COL1A1: variants seen among roughly 807,000 people sequenced by gnomAD.
COL1A1 encodes collagen alpha-1(I) chain.
COL1A1 carries 21 observed loss-of-function variants against 195.7 expected under a neutral mutation model. The observed-to-expected ratio is 0.11, with a 90% CI of 0.08 to 0.15. COL1A1 has a LOEUF of 0.15. Among genes scored for constraint, COL1A1 ranks in the 10% least tolerant of loss-of-function variants. The pLI is 1.00. For synonymous variants in COL1A1, 749 were observed against 747.3 expected (o/e 1.00, Z -0.04); for missense variants, 1,365 against 2,051.0 (o/e 0.67, Z 6.46).
rs1391461426 is a variant in COL1A1 at position 50,195,704 on chromosome 17, GA to G, written c.1057-40del. ...AAGGACATATCAGAAGCCACCCTGG[GA>G]AACCCAACCTTGCCTCTCGGGATGG... On this transcript the variant is annotated intron_variant, in intron 16 of 50. Transcript: ENST00000225964. The surrounding 1 kb of genome is among the most constrained non-coding windows in gnomAD (Gnocchi z 4.3). The G allele has an allele frequency of 6.2e-7, 1 of 1,600,188 alleles. No homozygotes were observed. Among genetic ancestry groups the G allele is most frequent in the Non-Finnish European group, 8.5e-7 (1 of 1,169,942 alleles).
rs780217716 is a variant in COL1A1, at chr17:50,193,030, A to T, written c.1785T>A (p.Ala595=). The T allele has an allele frequency of 3.2e-5, 51 of 1,613,950 alleles. No homozygotes were observed. The highest frequency in any genetic ancestry group is 2.2e-4 in the Admixed American group (13 of 60,004). ...GGGGTCCGGGAACACCTCGCTCTCC[A>T]GCCTTGCCGGGCTCTCCCTGTGGAG... The part of the protein sequence containing the change: ...PKGAAGEPGK[A]GERGVPGPPG... The change falls in exon 26 of 51, where the codon GCT becomes GCA. Residue 595 remains alanine (A), a synonymous_variant. Transcript: ENST00000225964.
chr17:50,190,946 A>C lies in COL1A1; in HGVS notation c.2236-22T>G. The C allele has an allele frequency of 6.2e-7, 1 of 1,609,014 alleles. No individual in the cohort carries two copies. The stretch of plus-strand genomic sequence containing the variant: ...CACCCTAAAGACATGGATAAGCTTG[A>C]GATTTCCAGTGTGGGGCAAGGAGGT... On this transcript the variant is annotated intron_variant, in intron 32 of 50. Transcript: ENST00000225964. This position sits in a 1 kb window ranked among gnomAD's most constrained non-coding sequence, Gnocchi z 4.7.
rs372631553 is a variant in COL1A1, at chr17:50,189,045, G to T, written c.2938-35C>A. On this transcript the variant is annotated intron_variant, in intron 40 of 50. Transcript: ENST00000225964. The surrounding 1 kb of genome is among the most constrained non-coding windows in gnomAD (Gnocchi z 5.5). ...AAGAAAGAGTCAGGCCAGAGATAGG[G>T]TCTGGGAGGACCCTTGAGTCCGCTG... 3.0e-5 allele frequency: 48 copies of T among 1,588,706 alleles called. No homozygotes were observed. Among genetic ancestry groups the T allele is most frequent in the Non-Finnish European group, 4.1e-5 (48 of 1,157,222 alleles).
At position 50,186,131 on chromosome 17, in the gene COL1A1, G is replaced by C; in HGVS notation, c.4006-111C>G. The C allele has an allele frequency of 6.5e-7, 1 of 1,549,938 alleles. No individual in the cohort carries two copies. The highest frequency in any genetic ancestry group is 8.7e-7 in the Non-Finnish European group (1 of 1,144,060). The stretch of plus-strand genomic sequence containing the variant: ...GAGCTGCCCAATGCACCGTTATATC[G>C]AGAGGAGGCACCACCTGCCCATCGG... On this transcript the variant is annotated intron_variant, in intron 49 of 50. Coordinates refer to ENST00000225964, the MANE Select transcript of COL1A1 (RefSeq NM_000088.4). This position sits in a 1 kb window ranked among gnomAD's most constrained non-coding sequence, Gnocchi z 5.3.
chr17:50,199,506 G>A, intron 3 of COL1A1, 50 bp downstream of exon 3: 1 of 1,614,192 alleles, frequency 6.2e-7, no homozygotes, highest in Non-Finnish European at 8.5e-7. Flanking sequence ...AGGGAGGACT[G>A]TGAGGAGTCA....
chr17:50,191,313 G>T, intron 32 of COL1A1, 70 bp downstream of exon 32: 1 of 1,326,066 alleles, frequency 7.5e-7, no homozygotes, highest in African/African-American at 1.4e-5. Context: ...AAGGAGAGAT[G>T]CTGAGAGATT....
chr17:50,188,035 G>A lies in COL1A1; in HGVS notation c.3262-52C>T. ...CAGGCGGAAGTTCCATTGGCATCGA[G>A]TGGGGCACTGTCTGCATCTGTAGAG... On this transcript the variant is annotated intron_variant, in intron 44 of 50. Transcript: ENST00000225964. The surrounding 1 kb of genome is among the most constrained non-coding windows in gnomAD (Gnocchi z 5.6). The A allele has an allele frequency of 6.2e-7, 1 of 1,613,512 alleles. No homozygotes were observed. Among genetic ancestry groups the A allele is most frequent in the Non-Finnish European group, 8.5e-7 (1 of 1,179,474 alleles).
chr17:50,187,373 G>C (rs1434898951), intron 46 of COL1A1, 111 bp downstream of exon 46: 11 of 1,115,386 alleles, frequency 9.9e-6, no homozygotes, highest in Middle Eastern at 2.7e-4. Context: ...CCCACTCCCT[G>C]TCCCTGAACC....
chr17:50,196,219 C>T lies in COL1A1; in HGVS notation c.958-20G>A, dbSNP rs955384784. ...AGCACCCTGCAGGAGAGAGGGGAAGCCCCGTTAAGTCCACTGAGCACTGGC... is the reference window on the plus strand; with the variant it reads ...AGCACCCTGCAGGAGAGAGGGGAAGTCCCGTTAAGTCCACTGAGCACTGGC... On this transcript the variant is annotated intron_variant, in intron 14 of 50. Coordinates refer to ENST00000225964, the MANE Select transcript of COL1A1 (RefSeq NM_000088.4). The T allele has an allele frequency of 1.2e-6, 2 of 1,613,804 alleles. No individual in the cohort carries two copies. The highest frequency in any genetic ancestry group is 1.3e-5 in the African/African-American group (1 of 74,880).
rs936545291 is a variant in COL1A1 at position 50,188,358 on chromosome 17, G to A, written c.3207+172C>T. 3 of 820,914 alleles carry A rather than the reference G, an allele frequency of 3.7e-6. No homozygotes were observed. Among genetic ancestry groups the A allele is most frequent in the East Asian group, 2.6e-5 (1 of 37,758 alleles). The allele number at this position is 820,914 out of a possible 1,614,324, so 50.9% of individuals were successfully genotyped here. A position where few individuals can be genotyped will look rare whatever the true frequency, so the allele number is the denominator to read the frequency against. Reference sequence around the variant, plus strand: ...AGAGGCGGTCCTGTCTGGGAGAGGGGACTTGGGGCTGAGCTTTAACTCAGT... The same window carrying A: ...AGAGGCGGTCCTGTCTGGGAGAGGGAACTTGGGGCTGAGCTTTAACTCAGT... On this transcript the variant is annotated intron_variant, in intron 43 of 50. Coordinates refer to ENST00000225964, the MANE Select transcript of COL1A1 (RefSeq NM_000088.4). This position sits in a 1 kb window ranked among gnomAD's most constrained non-coding sequence, Gnocchi z 5.6.
chr17:50,200,879 T>C (rs1451504974), intron 1 of COL1A1, among the ~76,000 whole-genome samples: 1 of 152,046 alleles, frequency 6.6e-6, no homozygotes, highest in Non-Finnish European at 1.5e-5. Flanking sequence ...TCAGCATCGG[T>C]CAGCAGGGGG....
chr17:50,191,865 C>T lies in COL1A1; in HGVS notation c.2050G>A (p.Glu684Lys), dbSNP rs1432430042. 12 of 1,602,640 alleles carry T rather than the reference C, an allele frequency of 7.5e-6. No individual in the cohort carries two copies. Among genetic ancestry groups the T allele is most frequent in the South Asian group, 2.2e-5 (2 of 89,100 alleles). ...GARGERGFPG[E>K]RGVQGPPGPA... The stretch of plus-strand genomic sequence containing the variant: ...CCAGGGGGACCTTGCACACCACGCT[C>T]GCCAGGGAAACCTCTCTCGCCCTAG... Residue 684 changes from glutamate (E) to lysine (K), a missense_variant, in exon 31 of 51, where the codon GAG becomes AAG. Physicochemically the swap from Glu to Lys is moderately conservative, Grantham distance 56 (BLOSUM62 1). Coordinates refer to ENST00000225964, the MANE Select transcript of COL1A1 (RefSeq NM_000088.4).
chr17:50,199,318 C>A lies in COL1A1; in HGVS notation c.379G>T (p.Gly127Cys). ...TGPRGPRGPA[G>C]PPGRDGIPGQ... ...GGGATGCCATCTCGGCCAGGGGGGC[C>A]TGCGGGTCCCTGCAGGGGGAGAGGG... Residue 127 changes from glycine (G) to cysteine (C), a missense_variant, in exon 5 of 51, where the codon GGC (glycine) becomes TGC (cysteine). Transcript: ENST00000225964. 6.4e-7 allele frequency: 1 copy of A among 1,554,516 alleles called. No individual in the cohort carries two copies. The highest frequency in any genetic ancestry group is 8.7e-7 in the Non-Finnish European group (1 of 1,148,924).
chr17:50,186,201 C>T lies in COL1A1; in HGVS notation c.4005+116G>A. On this transcript the variant is annotated intron_variant, in intron 49 of 50. Transcript: ENST00000225964. This position sits in a 1 kb window ranked among gnomAD's most constrained non-coding sequence, Gnocchi z 5.3. ...TATCAGGGACCTGAGACCCCTGCCT[C>T]CCAGCCCAGCTCTGTCCATCACCCT... 1 of 1,536,438 alleles carries T rather than the reference C, an allele frequency of 6.5e-7. No individual in the cohort carries two copies. Among genetic ancestry groups the T allele is most frequent in the Non-Finnish European group, 8.9e-7 (1 of 1,122,978 alleles).
intron 45 of COL1A1, 41 bp downstream of exon 45, chr17:50,187,835 C>T (rs1427841828): frequency 3.3e-6 from 5 of 1,519,850 alleles, no homozygotes; most frequent in East Asian, 2.3e-5. Context: ...TCCTATCCCA[C>T]AGCACAGCAT....
Position 50,196,318 on chromosome 17 carries a change from G to A in COL1A1, c.953C>T (p.Pro318Leu), listed in dbSNP as rs1455264016. 1.9e-6 allele frequency: 3 copies of A among 1,608,804 alleles called. No homozygotes were observed. The highest frequency in any genetic ancestry group is 1.3e-5 in the African/African-American group (1 of 74,810). The change falls in exon 14 of 51, where the codon CCT becomes CTT. Residue 318 changes from proline to leucine, a missense_variant. By Grantham distance (98) the Pro-to-Leu change is moderately conservative. Coordinates refer to ENST00000225964, the MANE Select transcript of COL1A1 (RefSeq NM_000088.4). ...CAAGGGGCCAGGAGTACTTACAGCAGGGCCAGGGGCTCCAGGGCGACCTCT... is the reference window on the plus strand; with the variant it reads ...CAAGGGGCCAGGAGTACTTACAGCAAGGCCAGGGGCTCCAGGGCGACCTCT... ...GERGRPGAPG[P>L]AGARGNDGAT... is the part of the protein sequence containing the mutation.
Position 50,189,085 on chromosome 17 carries a change from A to T in COL1A1, c.2938-75T>A. On this transcript the variant is annotated intron_variant, in intron 40 of 50. Transcript: ENST00000225964. This position sits in a 1 kb window ranked among gnomAD's most constrained non-coding sequence, Gnocchi z 5.5. ...TGAGTCCGCTGGAGTCATCTCTACC[A>T]AATCTGTTCTCCTTGGCTCCGCCCC... is the stretch of plus-strand genomic sequence containing the variant. 1 of 1,581,640 alleles carries T rather than the reference A, an allele frequency of 6.3e-7. No homozygotes were observed. Among genetic ancestry groups the T allele is most frequent in the Non-Finnish European group, 8.7e-7 (1 of 1,151,136 alleles).
Position 50,185,540 on chromosome 17 carries a change from C to T in COL1A1, c.4357G>A (p.Glu1453Lys). The T allele has an allele frequency of 6.2e-7, 1 of 1,613,360 alleles. No homozygotes were observed. Among genetic ancestry groups the T allele is most frequent in the Non-Finnish European group, 8.5e-7 (1 of 1,179,944 alleles). The change falls in exon 51 of 51, where the codon GAA (glutamate) becomes AAA (lysine). Residue 1453 changes from glutamate (E) to lysine (K), a missense_variant. By Grantham distance (56) the Glu-to-Lys change is moderately conservative. Transcript: ENST00000225964. ...APLDVGAPDQEFGFDVGPVCF... is the reference protein window; with the variant it reads ...APLDVGAPDQKFGFDVGPVCF... ...ACAGGGCCAACGTCGAAGCCGAATTCCTGGTCTGGGGCACCAACGTCCAAG... is the reference window on the plus strand; with the variant it reads ...ACAGGGCCAACGTCGAAGCCGAATTTCTGGTCTGGGGCACCAACGTCCAAG...
rs1452397444 is a variant in COL1A1, at chr17:50,188,476, C to T, written c.3207+54G>A. On this transcript the variant is annotated intron_variant, in intron 43 of 50. Coordinates refer to ENST00000225964, the MANE Select transcript of COL1A1 (RefSeq NM_000088.4). The surrounding 1 kb of genome is among the most constrained non-coding windows in gnomAD (Gnocchi z 5.6). ...ACCCATCCCCAGGCCTCTAAGGAGG[C>T]CTGAAGAGTCCCTGGCCTGACCAGG... The T allele has an allele frequency of 3.2e-6, 5 of 1,548,606 alleles. No individual in the cohort carries two copies. Among genetic ancestry groups the T allele is most frequent in the Non-Finnish European group, 4.5e-6 (5 of 1,121,280 alleles).
Sources: gnomAD v4.1 joint callset for allele counts (sites outside exome capture counted in the v4.1 genomes callset) on GRCh38, gnomAD v4.1.1 for gene constraint, Gnocchi (gnomAD v3.1) non-coding constraint, MANE v1.5 for transcripts, NCBI Gene and HGNC (gene_info 2026-07-23, HGNC 2026-07-21) for gene names.